The following EXOC6B variants were observed in gnomAD, a reference collection of about 807,000 sequenced individuals.
The protein encoded by EXOC6B is SEC15 homolog B.
Under a neutral mutation model 113.5 loss-of-function variants are expected in EXOC6B, and 54 were observed. The ratio of observed to expected loss-of-function variants is 0.48; its 90% CI spans 0.38 to 0.60. EXOC6B has a LOEUF of 0.60. EXOC6B is among the 20% of genes least tolerant of loss of function. The pLI is 0.00. For synonymous variants in EXOC6B, 357 were observed against 339.0 expected (o/e 1.05, Z -0.58); for missense variants, 797 against 977.5 (o/e 0.82, Z 2.46).
intron 18 of EXOC6B, among the ~76,000 whole-genome samples, chr2:72,404,895 C>A (rs931978245): frequency 6.6e-6 from 1 of 151,820 alleles, no homozygotes; most frequent in African/African-American, 2.4e-5. Flanking sequence ...AGGCTTCAGA[C>A]GATCAAACTA....
intron 19 of EXOC6B, among the ~76,000 whole-genome samples, chr2:72,370,879 G>A (rs943989584): frequency 1.4e-5 from 2 of 147,424 alleles, no homozygotes; most frequent in Non-Finnish European, 3.0e-5. Context: ...ATGGGAGGGG[G>A]GAGGGATATG....
intron 17 of EXOC6B, among the ~76,000 whole-genome samples, chr2:72,475,091 G>C (rs1443089862): frequency 6.6e-6 from 1 of 152,150 alleles, no homozygotes; most frequent in African/African-American, 2.4e-5. Context: ...TTTTGCTGGG[G>C]ACTGTAACAC....
intron 19 of EXOC6B, among the ~76,000 whole-genome samples, chr2:72,379,012 A>T (rs1691523775): frequency 6.6e-6 from 1 of 152,188 alleles, no homozygotes; most frequent in African/African-American, 2.4e-5. Flanking sequence ...ACATACAGGA[A>T]AGTTTGTCAG....
chr2:72,484,330 G>A (rs574339099), intron 16 of EXOC6B, among the ~76,000 whole-genome samples: 113 of 151,410 alleles, frequency 7.5e-4, no homozygotes, highest in African/African-American at 2.4e-3. Flanking sequence ...AGGCCGAGAC[G>A]GGCGGATCAC....
At chr2:72,425,335 A>G (rs1695143007) in intron 18 of EXOC6B, among the ~76,000 whole-genome samples, 1 of 152,212 alleles carries the variant, frequency 6.6e-6, no homozygotes, top group Non-Finnish European at 1.5e-5. Context: ...AAGTGTCATT[A>G]ACTATAAGAT....
chr2:72,408,065 C>T (rs11696558), intron 18 of EXOC6B, among the ~76,000 whole-genome samples: 10 of 152,126 alleles, frequency 6.6e-5, no homozygotes, highest in African/African-American at 2.2e-4. Flanking sequence ...TTCTTATACA[C>T]CAATAACAGA....
Position 72,421,841 on chromosome 2 carries a change from C to T in EXOC6B, c.1981-41971G>A, listed in dbSNP as rs531349593. On this transcript the variant is annotated intron_variant, in intron 18 of 21. Coordinates refer to ENST00000272427, the MANE Select transcript of EXOC6B (RefSeq NM_015189.3). ...CGAGGTGTGGAGGGAGAGGCGCGAG[C>T]GGGAACCGGGGCTGCGTGCAGCGCT... 1.3e-3 allele frequency among the ~76,000 whole-genome samples: 204 copies of T among 152,338 alleles called. 1 individual carries two copies. The highest frequency in any genetic ancestry group is 4.5e-3 in the African/African-American group (188 of 41,584).
intron 1 of EXOC6B, among the ~76,000 whole-genome samples, chr2:72,772,894 C>T (rs993340534): frequency 5.3e-5 from 8 of 151,984 alleles, no homozygotes; most frequent in African/African-American, 1.9e-4. Context: ...AAACCATAAT[C>T]CCCCCACCCA....
intron 19 of EXOC6B, among the ~76,000 whole-genome samples, chr2:72,344,327 T>C (rs550335231): frequency 4.6e-5 from 7 of 152,182 alleles, no homozygotes; most frequent in African/African-American, 1.2e-4. Flanking sequence ...TGCTCATACA[T>C]CATTTCCATG....
chr2:72,483,744 T>C (rs1699248528), intron 16 of EXOC6B, among the ~76,000 whole-genome samples: 1 of 152,204 alleles, frequency 6.6e-6, no homozygotes. Flanking sequence ...CATTTACTAA[T>C]GTAAAACCAG....
At chr2:72,603,714 G>C (rs376275102) in intron 6 of EXOC6B, among the ~76,000 whole-genome samples, 1 of 152,012 alleles carries the variant, frequency 6.6e-6, no homozygotes, top group Non-Finnish European at 1.5e-5. Context: ...CTTCCCACTG[G>C]TAAGTGCTTT....
chr2:72,257,239 T>G (rs553234167), intron 20 of EXOC6B, among the ~76,000 whole-genome samples: 1 of 152,314 alleles, frequency 6.6e-6, no homozygotes, highest in Admixed American at 6.5e-5. Flanking sequence ...TTCCATCTTT[T>G]AGAAGTCACG....
chr2:72,404,679 A>C (rs545317690), intron 18 of EXOC6B, among the ~76,000 whole-genome samples: 1 of 152,230 alleles, frequency 6.6e-6, no homozygotes, highest in African/African-American at 2.4e-5. Context: ...AACAAACAGA[A>C]AGGACATCCA....
chr2:72,791,318 A>G (rs1573803151), intron 1 of EXOC6B, among the ~76,000 whole-genome samples: 1 of 152,124 alleles, frequency 6.6e-6, no homozygotes, highest in Non-Finnish European at 1.5e-5. Context: ...CTGAGGCAGG[A>G]GGACCACTTG....
intron 18 of EXOC6B, among the ~76,000 whole-genome samples, chr2:72,445,274 T>TA (rs1364579881): frequency 1.9e-4 from 29 of 152,208 alleles, no homozygotes; most frequent in African/African-American, 9.6e-5. Flanking sequence ...TGAACCTTAT[T>TA]GTCCATATTG....
At chr2:72,729,521 T>G (rs999117118) in intron 5 of EXOC6B, among the ~76,000 whole-genome samples, 16 of 151,910 alleles carry the variant, frequency 1.1e-4, no homozygotes, top group East Asian at 1.9e-4. Flanking sequence ...AGCTATCATG[T>G]GAGCCAATTC....
intron 6 of EXOC6B, among the ~76,000 whole-genome samples, chr2:72,615,779 A>G (rs905005534): frequency 1.3e-5 from 2 of 152,244 alleles, no homozygotes; most frequent in Non-Finnish European, 1.5e-5. Context: ...TTAACTGTAA[A>G]GCAGCCTCAG....
intron 6 of EXOC6B, among the ~76,000 whole-genome samples, chr2:72,711,265 GATC>G (rs1313961374): frequency 6.6e-6 from 1 of 151,914 alleles, no homozygotes; most frequent in African/African-American, 2.4e-5. Flanking sequence ...ACAGGAAGAA[GATC>G]AACACAGAAA....
At chr2:72,519,212 A>G (rs1366321172) in intron 8 of EXOC6B, among the ~76,000 whole-genome samples, 2 of 152,210 alleles carry the variant, frequency 1.3e-5, no homozygotes, top group African/African-American at 4.8e-5. Flanking sequence ...AAACAAGGCA[A>G]TGCTCTGCCT....
Sources: gnomAD v4.1 joint callset for allele counts (sites outside exome capture counted in the v4.1 genomes callset) on GRCh38, gnomAD v4.1.1 for gene constraint, MANE v1.5 for transcripts, NCBI Gene and HGNC (gene_info 2026-07-23, HGNC 2026-07-21) for gene names.